The following GADL1 variants were observed in gnomAD, a reference collection of about 807,000 sequenced individuals.
GADL1 encodes the protein GAD like acidic amino acid decarboxylase 1, also known as acidic amino acid decarboxylase GADL1.
GADL1 carries 71 observed loss-of-function variants against 69.5 expected under a neutral mutation model. That is an observed-to-expected ratio of 1.02 (90% CI 0.84 to 1.25). GADL1 has a LOEUF of 1.25. Ranked by LOEUF, GADL1 falls within the 50% of genes most tolerant of loss-of-function variation. GADL1 has a pLI of 0.00. For synonymous variants in GADL1, 254 were observed against 214.4 expected, an observed-to-expected ratio of 1.18 and a Z score of -1.62; for missense variants, 737 against 631.8, an observed-to-expected ratio of 1.17 and a Z score of -1.79.
chr3:30,754,732 G>A (rs1695923770), intron 14 of GADL1, among the ~76,000 whole-genome samples: 1 of 152,158 alleles, frequency 6.6e-6, no homozygotes, highest in Non-Finnish European at 1.5e-5. Flanking sequence ...AGCAAATTAA[G>A]CAGTGAGATG....
chr3:30,774,202 G>A (rs1696483422), intron 14 of GADL1, among the ~76,000 whole-genome samples: 1 of 152,136 alleles, frequency 6.6e-6, no homozygotes, highest in Non-Finnish European at 1.5e-5. Flanking sequence ...TTTAGTAGGT[G>A]GAAACCAGAG....
intron 14 of GADL1, among the ~76,000 whole-genome samples, chr3:30,760,565 A>G (rs2125484805): frequency 6.6e-6 from 1 of 152,264 alleles, no homozygotes; most frequent in Middle Eastern, 3.4e-3. Flanking sequence ...ACCATCTTCC[A>G]GGCCATCTAT....
chr3:30,890,096 C>T (rs574602998), intron 1 of GADL1, among the ~76,000 whole-genome samples: 84 of 152,206 alleles, frequency 5.5e-4, no homozygotes, highest in African/African-American at 2.0e-3. Flanking sequence ...CCAAACAATG[C>T]CTCTTTGTTT....
chr3:30,728,311 G>A lies in GADL1; in HGVS notation c.1497C>T (p.Ser499=), dbSNP rs1221438410. Residue 499 remains serine (S), a synonymous_variant, in exon 15 of 15, where the codon AGC becomes AGT. Transcript: ENST00000282538. ...KVNFFRQVVI[S]PQVSREDMDF... is the part of the protein sequence containing the mutation. The stretch of plus-strand genomic sequence containing the variant: ...CCATGTCCTCCCGGCTCACTTGAGG[G>A]CTGATCACCACCTGGCGGAAGAAGT... The A allele has an allele frequency of 3.7e-6, 6 of 1,613,866 alleles. No homozygotes were observed. The highest frequency in any genetic ancestry group is 5.1e-6 in the Non-Finnish European group (6 of 1,179,808).
chr3:30,736,080 C>G (rs956048246), intron 14 of GADL1, among the ~76,000 whole-genome samples: 1 of 151,974 alleles, frequency 6.6e-6, no homozygotes, highest in Non-Finnish European at 1.5e-5. Flanking sequence ...ATTCCATGCT[C>G]TCAATGTTTA....
At chr3:30,765,006 TAGCCA>T (rs1478738513) in intron 14 of GADL1, among the ~76,000 whole-genome samples, 1 of 151,066 alleles carries the variant, frequency 6.6e-6, no homozygotes, top group African/African-American at 2.4e-5. Context: ...AATGCAGGTT[TAGCCA>T]TCTGTAGTCA....
At chr3:30,845,539 G>A (rs1036613526) in intron 6 of GADL1, among the ~76,000 whole-genome samples, 3 of 152,064 alleles carry the variant, frequency 2.0e-5, no homozygotes, top group African/African-American at 7.2e-5. Context: ...TTTATTGGGA[G>A]CTCTTTTTTT....
At chr3:30,843,236 T>G (rs1697997634) in intron 8 of GADL1, among the ~76,000 whole-genome samples, 1 of 150,014 alleles carries the variant, frequency 6.7e-6, no homozygotes, top group Non-Finnish European at 1.5e-5. Flanking sequence ...GCAAAATGGC[T>G]GAGACCAAAA....
chr3:30,768,585 C>G (rs7632538), intron 14 of GADL1, among the ~76,000 whole-genome samples: 1 of 148,256 alleles, frequency 6.7e-6, no homozygotes, highest in South Asian at 2.2e-4. Context: ...GGAGGAGAGG[C>G]GGAGAAGGAA....
At chr3:30,768,745 G>C (rs1466098361) in intron 14 of GADL1, among the ~76,000 whole-genome samples, 3 of 152,172 alleles carry the variant, frequency 2.0e-5, no homozygotes, top group Non-Finnish European at 4.4e-5. Context: ...GGAACAATTT[G>C]ATCTCTGAGA....
rs188370050 is a variant in GADL1, at chr3:30,871,719, G to A, written c.38-9954C>T. 2.0e-5 allele frequency among the ~76,000 whole-genome samples: 3 copies of A among 151,796 alleles called. No individual in the cohort carries two copies. The East Asian group carries it at 5.9e-4, about 30-fold the overall frequency. On this transcript the variant is annotated intron_variant, in intron 1 of 14. Transcript: ENST00000282538. ...TCTCAGATACCACTCAGATAATTCT[G>A]ATTCTACTGAAACACCAAGGCATCC...
chr3:30,755,823 A>ACTTT (rs1553635909), intron 14 of GADL1, among the ~76,000 whole-genome samples: 12 of 100,110 alleles, frequency 1.2e-4, no homozygotes, highest in Admixed American at 3.0e-4. Context: ...TGCCAAAGGT[A>ACTTT]CTTTTTTTCC....
At chr3:30,831,781 G>A (rs989171775) in intron 11 of GADL1, among the ~76,000 whole-genome samples, 3 of 151,906 alleles carry the variant, frequency 2.0e-5, no homozygotes, top group Non-Finnish European at 4.4e-5. Flanking sequence ...AGAAACTGCA[G>A]GGGAGGCTAG....
chr3:30,770,013 G>T (rs974928256), intron 14 of GADL1, among the ~76,000 whole-genome samples: 1 of 64,020 alleles, frequency 1.6e-5, no homozygotes, highest in Admixed American at 1.2e-4. Context: ...AATCATCTGT[G>T]TATTATCTAG....
chr3:30,814,585 G>T (rs1333930253), intron 11 of GADL1, among the ~76,000 whole-genome samples: 1 of 151,986 alleles, frequency 6.6e-6, no homozygotes, highest in Non-Finnish European at 1.5e-5. Flanking sequence ...CAGGTGACAG[G>T]CCAGGTTTAA....
chr3:30,877,193 C>T (rs1039201664), intron 1 of GADL1, among the ~76,000 whole-genome samples: 10 of 151,926 alleles, frequency 6.6e-5, no homozygotes, highest in South Asian at 4.2e-4. Context: ...TAAATAGCAG[C>T]GCTGATATTC....
intron 14 of GADL1, among the ~76,000 whole-genome samples, chr3:30,751,128 G>C (rs1407270330): frequency 6.7e-6 from 1 of 150,080 alleles, no homozygotes; most frequent in Non-Finnish European, 1.5e-5. Flanking sequence ...GGCAGCTTAC[G>C]GGCCATATCC....
intron 1 of GADL1, among the ~76,000 whole-genome samples, chr3:30,864,103 G>A (rs1482872231): frequency 6.6e-6 from 1 of 151,974 alleles, no homozygotes; most frequent in Non-Finnish European, 1.5e-5. Context: ...TGAGCTTTTA[G>A]ATGGAAATGC....
At chr3:30,857,273 C>T (rs776224193) in intron 2 of GADL1, 132 bp from the exon 3 acceptor site, 52 of 700,390 alleles carry the variant, frequency 7.4e-5, no homozygotes, top group East Asian at 5.2e-4. Flanking sequence ...ATAGTTCAGA[C>T]GAAAAGAACT....
Sources: allele counts gnomAD v4.1 joint callset (sites outside exome capture counted in the v4.1 genomes callset), GRCh38; gene constraint gnomAD v4.1.1; transcripts MANE v1.5; gene names NCBI Gene and HGNC (gene_info 2026-07-23, HGNC 2026-07-21).